CLVS1: variants seen among roughly 807,000 people sequenced by gnomAD.
CLVS1 encodes clavesin 1, also known as clavesin-1.
CLVS1 carries 10 observed loss-of-function variants against 33.1 expected under a neutral mutation model. The observed-to-expected ratio is 0.30, with a 90% CI of 0.19 to 0.51. The LOEUF (loss-of-function observed/expected upper bound fraction) is 0.51, where lower values mean the gene tolerates loss of function less well. CLVS1 is among the 20% of genes least tolerant of loss of function. The probability of loss-of-function intolerance (pLI) is 0.97; values close to 1 mark genes in which losing one functional copy is unlikely to be tolerated. For missense variants in CLVS1, 343 were observed against 433.4 expected, an observed-to-expected ratio of 0.79 and a Z score of 1.85; for synonymous variants, 163 against 166.1, an observed-to-expected ratio of 0.98 and a Z score of 0.14.
intron 1 of CLVS1, among the ~76,000 whole-genome samples, chr8:61,100,930 T>C (rs1805437701): frequency 6.6e-6 from 1 of 152,238 alleles, no homozygotes; most frequent in African/African-American, 2.4e-5. Flanking sequence ...TGTTGAATAA[T>C]ACTCTATTGT....
rs144742834 is a variant in CLVS1, at chr8:61,443,592, T to G, written c.631-10549T>G. On this transcript the variant is annotated intron_variant, in intron 3 of 5. Transcript: ENST00000325897. ...TCTTGGGTCCTCTATTCTGTTCCCT[T>G]AATCTATATATCTTTTCCTCCACAA... 2.8e-3 allele frequency among the ~76,000 whole-genome samples: 430 copies of G among 152,346 alleles called. 2 individuals are homozygous for G. The highest frequency in any genetic ancestry group is 4.6e-3 in the Non-Finnish European group (312 of 68,002).
the CLVS1 span, among the ~76,000 whole-genome samples, chr8:61,044,112 A>G: frequency 3.9e-5 from 6 of 152,148 alleles, no homozygotes; most frequent in African/African-American, 1.4e-4. Flanking sequence ...TCCTTATATT[A>G]CAGGTATTTC....
chr8:60,983,842 C>T, the CLVS1 span, among the ~76,000 whole-genome samples: 1 of 152,238 alleles, frequency 6.6e-6, no homozygotes, highest in African/African-American at 2.4e-5. Context: ...CAGAGACCCC[C>T]ACTTCCTCCT....
Position 61,458,439 on chromosome 8 carries a change from T to C in CLVS1, c.874T>C (p.Tyr292His), listed in dbSNP as rs1384120318. The C allele has an allele frequency of 1.2e-6, 2 of 1,613,978 alleles. No homozygotes were observed. Among genetic ancestry groups the C allele is most frequent in the Non-Finnish European group, 1.7e-6 (2 of 1,179,998 alleles). The change falls in exon 5 of 6, where the codon TAC becomes CAC. Residue 292 changes from tyrosine (Y) to histidine (H), a missense_variant. By Grantham distance (83) the Tyr-to-His change is moderately conservative. Around this residue, in one of 4 missense-constraint regions of CLVS1, gnomAD observed 86 missense variants for 95.0 expected, o/e 0.91. Transcript: ENST00000325897. ...GGCCCGGACGTTACTCGGTCCCGAC[T>C]ACAGCGATGAAAATGACTATACTCA... is the stretch of plus-strand genomic sequence containing the variant. ...TWARTLLGPD[Y>H]SDENDYTHTS...
chr8:61,472,239 A>G (rs1034936839), intron 5 of CLVS1, among the ~76,000 whole-genome samples: 3 of 152,202 alleles, frequency 2.0e-5, no homozygotes, highest in Non-Finnish European at 1.5e-5. Flanking sequence ...TCTGAAGATC[A>G]TATGTTTCCC....
chr8:61,248,591 G>A lies in CLVS1; in HGVS notation c.-151-51086G>A, dbSNP rs192760189. Among the ~76,000 whole-genome samples the A allele has an allele frequency of 2.3e-3, 348 of 151,646 alleles. 1 individual carries two copies. The highest frequency in any genetic ancestry group is 8.1e-3 in the African/African-American group (336 of 41,372). On this transcript the variant is annotated intron_variant, in intron 2 of 2. Coordinates refer to the CLVS1 transcript ENST00000522621. ...CCTTTCTGATTGGGCTGTCGGTTTG[G>A]TTAAAAATACTTTTTTGAGATTTTG...
At chr8:61,462,496 T>C (rs1468259631) in intron 5 of CLVS1, among the ~76,000 whole-genome samples, 1 of 152,170 alleles carries the variant, frequency 6.6e-6, no homozygotes, top group Non-Finnish European at 1.5e-5. Flanking sequence ...GCAATTCTCA[T>C]GCCTCAGCCT....
intron 2 of CLVS1, among the ~76,000 whole-genome samples, chr8:61,144,297 C>T (rs138244627): frequency 0.024 from 3,637 of 152,166 alleles, 142 homozygotes; most frequent in African/African-American, 0.082. Flanking sequence ...TGAGAACATG[C>T]GGTGTTTGGT....
At chr8:61,062,978 C>T (rs1179461121) in intron 1 of CLVS1, among the ~76,000 whole-genome samples, 10 of 152,110 alleles carry the variant, frequency 6.6e-5, no homozygotes, top group Admixed American at 2.6e-4. Flanking sequence ...TCTGCTAAAG[C>T]ACTTTATATG....
chr8:61,108,420 C>A (rs1805575342), intron 1 of CLVS1, among the ~76,000 whole-genome samples: 1 of 152,104 alleles, frequency 6.6e-6, no homozygotes, highest in African/African-American at 2.4e-5. Flanking sequence ...ATTCTGGTAT[C>A]CAAAAGCTCT....
chr8:61,414,577 T>C (rs1815358305), intron 3 of CLVS1, among the ~76,000 whole-genome samples: 1 of 152,156 alleles, frequency 6.6e-6, no homozygotes, highest in African/African-American at 2.4e-5. Flanking sequence ...CCCTCTGTTT[T>C]GGCTGGGGCT....
intron 2 of CLVS1, among the ~76,000 whole-genome samples, chr8:61,209,628 G>A (rs1459751323): frequency 1.3e-5 from 2 of 152,200 alleles, no homozygotes; most frequent in Admixed American, 6.5e-5. Flanking sequence ...CATGTTTTTC[G>A]ACTTGAGCAA....
chr8:61,482,571 G>T (rs1448530862), intron 5 of CLVS1, among the ~76,000 whole-genome samples: 1 of 152,222 alleles, frequency 6.6e-6, no homozygotes, highest in Non-Finnish European at 1.5e-5. Context: ...ACAAGCTTCA[G>T]TAGCTGATTT....
intron 2 of CLVS1, among the ~76,000 whole-genome samples, chr8:61,213,984 C>A (rs1808030587): frequency 6.6e-6 from 1 of 152,174 alleles, no homozygotes; most frequent in Non-Finnish European, 1.5e-5. Flanking sequence ...TGCCCCCCCA[C>A]TCAAGGTGTG....
At chr8:61,019,728 T>C in the CLVS1 span, among the ~76,000 whole-genome samples, 5 of 152,098 alleles carry the variant, frequency 3.3e-5, no homozygotes, top group South Asian at 1.0e-3. Flanking sequence ...TTCCCAAACA[T>C]ATCATCATCC....
chr8:60,991,679 T>G, the CLVS1 span, among the ~76,000 whole-genome samples: 1 of 151,842 alleles, frequency 6.6e-6, no homozygotes, highest in East Asian at 1.9e-4. Flanking sequence ...TAATGTGGAA[T>G]TCAACAAACC....
chr8:61,052,689 G>C (rs1258875736), upstream of CLVS1, among the ~76,000 whole-genome samples: 1 of 152,198 alleles, frequency 6.6e-6, no homozygotes, highest in Non-Finnish European at 1.5e-5. Flanking sequence ...GATCACTCTG[G>C]AGAAATAATG....
At chr8:61,365,935 G>T (rs560861735) in intron 2 of CLVS1, among the ~76,000 whole-genome samples, 1 of 152,202 alleles carries the variant, frequency 6.6e-6, no homozygotes, top group African/African-American at 2.4e-5. Context: ...GGCCAAAACG[G>T]AAGTGCTTAA....
chr8:61,010,965 A>G, the CLVS1 span, among the ~76,000 whole-genome samples: 1 of 152,234 alleles, frequency 6.6e-6, no homozygotes, highest in Non-Finnish European at 1.5e-5. Context: ...AGGCGGAAGG[A>G]CACACTTGGT....
Sources: gnomAD v4.1 joint callset for allele counts (sites outside exome capture counted in the v4.1 genomes callset) on GRCh38, gnomAD v4.1.1 for gene constraint, gnomAD v4.1.1 regional missense constraint, MANE v1.5 for transcripts, NCBI Gene and HGNC (gene_info 2026-07-23, HGNC 2026-07-21) for gene names.